Variants in SMG6 observed in about 807,000 individuals in gnomAD.
SMG6 encodes SMG6 nonsense mediated mRNA decay factor, also known as telomerase-binding protein EST1A.
A neutral mutation model predicts 142.2 loss-of-function variants in SMG6; 66 were observed. The observed-to-expected ratio is 0.46, with a 90% confidence interval of 0.38 to 0.57. SMG6 has a LOEUF of 0.57. Among genes scored for constraint, SMG6 ranks in the 20% least tolerant of loss-of-function variants. SMG6 has a pLI of 0.00. For synonymous variants in SMG6, 779 were observed against 702.4 expected, an observed-to-expected ratio of 1.11 and a Z score of -1.72; for missense variants, 1,793 against 1,832.0, an observed-to-expected ratio of 0.98 and a Z score of 0.39.
At chr17:2,112,531 ATAAATAAAT>A (rs1162826187) in intron 13 of SMG6, among the ~76,000 whole-genome samples, 4 of 96,496 alleles carry the variant, frequency 4.1e-5, no homozygotes, top group African/African-American at 8.8e-5. Flanking sequence ...TAAAAAATAA[ATAAATAAAT>A]AAATAAATAA....
At chr17:2,088,130 G>C (rs2068615254) in intron 13 of SMG6, 1 of 985,364 alleles carries the variant, frequency 1.0e-6, no homozygotes, top group African/African-American at 1.7e-5. Context: ...TAAGTGTGCA[G>C]AGGAAACCTG....
At chr17:2,128,043 CCT>C (rs2069959348) in intron 13 of SMG6, 2 of 419,832 alleles carry the variant, frequency 4.8e-6, no homozygotes, top group Middle Eastern at 9.6e-4. Context: ...TGAAATCTCT[CCT>C]GTGCTCCAGC....
intron 13 of SMG6, among the ~76,000 whole-genome samples, chr17:2,145,088 G>T (rs936217015): frequency 1.3e-5 from 2 of 152,058 alleles, no homozygotes; most frequent in Admixed American, 1.3e-4. Context: ...TTATATTATA[G>T]TTAGCATTTT....
Position 2,299,392 on chromosome 17 carries a change from C to CG in SMG6, c.1360dup (p.Arg454ProfsTer9). 6.2e-7 allele frequency: 1 copy of CG among 1,613,872 alleles called. No individual in the cohort carries two copies. The highest frequency in any genetic ancestry group is 8.5e-7 in the Non-Finnish European group (1 of 1,180,022). On this transcript the variant is annotated frameshift_variant, in exon 2 of 19. Transcript: ENST00000263073. LOFTEE classifies it high-confidence loss of function. This position sits in a 1 kb window ranked among gnomAD's most constrained non-coding sequence, Gnocchi z 4.3. ...ATCAGGATTGTTTGGGTCCCACAAT[C>CG]GGCGTGTGGTGCCTCCACGGCCCCA...
rs146642680 is a variant in SMG6, at chr17:2,170,715, C to T, written c.3357+1943G>A. Reference sequence around the variant, plus strand: ...CCCAAGATGTAGTAGCCATTAAGTGCATCCAAAGAGTATGAGTTTTTGATA... The same window carrying T: ...CCCAAGATGTAGTAGCCATTAAGTGTATCCAAAGAGTATGAGTTTTTGATA... On this transcript the variant is annotated intron_variant, in intron 13 of 18. Transcript: ENST00000263073. 7.3e-4 allele frequency among the ~76,000 whole-genome samples: 111 copies of T among 152,338 alleles called. 2 individuals carry two copies. The highest frequency in any genetic ancestry group is 2.7e-3 in the East Asian group (14 of 5,190).
At chr17:2,162,043 T>C (rs1459245249) in intron 13 of SMG6, among the ~76,000 whole-genome samples, 3 of 152,116 alleles carry the variant, frequency 2.0e-5, no homozygotes, top group African/African-American at 7.2e-5. Context: ...TAAAAGTCAA[T>C]AACTTCCTAT....
chr17:2,107,078 A>G (rs780260040), intron 13 of SMG6, among the ~76,000 whole-genome samples: 4 of 151,644 alleles, frequency 2.6e-5, no homozygotes, highest in Non-Finnish European at 5.9e-5. Flanking sequence ...CTAGTCTTGA[A>G]CTCCTGACCT....
chr17:2,067,443 C>CA (rs967191825), intron 16 of SMG6, among the ~76,000 whole-genome samples: 1 of 152,298 alleles, frequency 6.6e-6, no homozygotes, highest in Non-Finnish European at 1.5e-5. Context: ...GACCATCTAG[C>CA]AAAACACTTT....
chr17:2,244,629 A>C, intron 9 of SMG6, 29 bp downstream of exon 9: 4 of 1,576,064 alleles, frequency 2.5e-6, no homozygotes, highest in African/African-American at 1.3e-5. Context: ...GTAATGTAGG[A>C]AAATAAAATA....
chr17:2,174,572 C>G (rs1362937318), intron 12 of SMG6, among the ~76,000 whole-genome samples: 1 of 152,182 alleles, frequency 6.6e-6, no homozygotes, highest in Non-Finnish European at 1.5e-5. Context: ...CCCCATTAAT[C>G]ACACAACGGC....
chr17:2,226,987 C>T lies in SMG6; in HGVS notation c.2869+9505G>A, dbSNP rs540374707. ...AGTGGCAAATAAACACATGAAAAGT[C>T]TCTCATCCTTAGTTATTAGAGAAAC... On this transcript the variant is annotated intron_variant, in intron 10 of 18. Transcript: ENST00000263073. 7.9e-5 allele frequency among the ~76,000 whole-genome samples: 12 copies of T among 152,284 alleles called. No homozygotes were observed. In the East Asian group the frequency reaches 2.3e-3, roughly 29 times the overall value.
intron 10 of SMG6, among the ~76,000 whole-genome samples, chr17:2,226,827 G>T (rs1314430455): frequency 2.0e-5 from 3 of 151,928 alleles, no homozygotes; most frequent in Non-Finnish European, 4.4e-5. Context: ...AATCCAGGAG[G>T]CGGAGGGTGC....
intron 10 of SMG6, among the ~76,000 whole-genome samples, chr17:2,193,386 A>G (rs1567672866): frequency 6.6e-6 from 1 of 152,200 alleles, no homozygotes; most frequent in East Asian, 1.9e-4. Flanking sequence ...TCTTTACTTT[A>G]TAAATTATAC....
At chr17:2,199,514 C>A (rs2072444696) in intron 10 of SMG6, among the ~76,000 whole-genome samples, 1 of 150,218 alleles carries the variant, frequency 6.7e-6, no homozygotes, top group Non-Finnish European at 1.5e-5. Flanking sequence ...GCACTCCAGC[C>A]TGGGTGACAG....
chr17:2,082,011 G>C, intron 14 of SMG6, 55 bp from the exon 15 acceptor site: 2 of 1,596,762 alleles, frequency 1.3e-6, no homozygotes, highest in South Asian at 1.1e-5. Flanking sequence ...TGGGCCCATG[G>C]CTCTTACTGA....
chr17:2,132,941 C>G (rs1310308783), intron 13 of SMG6, among the ~76,000 whole-genome samples: 1 of 152,190 alleles, frequency 6.6e-6, no homozygotes, highest in East Asian at 1.9e-4. Flanking sequence ...GCTACCATGT[C>G]TGGCTAATTT....
intron 10 of SMG6, among the ~76,000 whole-genome samples, chr17:2,205,708 T>A (rs2072657964): frequency 6.6e-6 from 1 of 152,068 alleles, no homozygotes; most frequent in East Asian, 1.9e-4. Context: ...CAGCACTGAG[T>A]TCTAAAATAA....
chr17:2,273,424 G>T (rs957372527), intron 8 of SMG6, among the ~76,000 whole-genome samples: 4 of 152,166 alleles, frequency 2.6e-5, no homozygotes, highest in Non-Finnish European at 5.9e-5. Flanking sequence ...ACTTTGGGAG[G>T]CCGAGGCGGG....
At chr17:2,217,132 A>T (rs73979428) in intron 10 of SMG6, among the ~76,000 whole-genome samples, 2,611 of 152,284 alleles carry the variant, frequency 0.017, 70 homozygotes, top group African/African-American at 0.059. Context: ...ATGGTTAAGT[A>T]ATTTGCATAA....
Sources: gnomAD v4.1 joint callset for allele counts (sites outside exome capture counted in the v4.1 genomes callset) on GRCh38, gnomAD v4.1.1 for gene constraint, Gnocchi (gnomAD v3.1) non-coding constraint, MANE v1.5 for transcripts, NCBI Gene and HGNC (gene_info 2026-07-23, HGNC 2026-07-21) for gene names.